ROS1: variants seen among roughly 807,000 people sequenced by gnomAD.
The protein encoded by ROS1 is ROS proto-oncogene 1, receptor tyrosine kinase, also known as proto-oncogene tyrosine-protein kinase ROS.
A neutral mutation model predicts 273.5 loss-of-function variants in ROS1; 263 were observed. The ratio of observed to expected loss-of-function variants is 0.96; its 90% CI spans 0.87 to 1.06. ROS1 has a LOEUF of 1.06. ROS1 is among the 50% of genes least tolerant of loss of function. ROS1 has a pLI of 0.00. For synonymous variants in ROS1, 1,008 were observed against 954.1 expected, an observed-to-expected ratio of 1.06 and a Z score of -1.04; for missense variants, 2,833 against 2,751.1, an observed-to-expected ratio of 1.03 and a Z score of -0.67.
chr6:117,312,773 C>T (rs888955956), intron 39 of ROS1, among the ~76,000 whole-genome samples: 1 of 152,094 alleles, frequency 6.6e-6, no homozygotes, highest in Non-Finnish European at 1.5e-5. Context: ...CTAGATGCTA[C>T]TCTGGACTAC....
intron 21 of ROS1, among the ~76,000 whole-genome samples, chr6:117,364,643 T>G (rs1780057214): frequency 1.3e-5 from 2 of 152,230 alleles, no homozygotes; most frequent in African/African-American, 4.8e-5. Flanking sequence ...AGTATCTTTT[T>G]TAAAATATCT....
chr6:117,347,170 G>A (rs770302743), intron 27 of ROS1, among the ~76,000 whole-genome samples: 13 of 152,056 alleles, frequency 8.5e-5, no homozygotes, highest in Non-Finnish European at 1.2e-4. Context: ...ATGACATCTT[G>A]ACAATATTGA....
At chr6:117,323,884 C>A (rs1032435850) in intron 35 of ROS1, among the ~76,000 whole-genome samples, 7 of 152,228 alleles carry the variant, frequency 4.6e-5, no homozygotes, top group Admixed American at 4.6e-4. Context: ...CCTACTCATT[C>A]CAAACCAGCC....
intron 36 of ROS1, 123 bp from the exon 37 acceptor site, chr6:117,320,153 T>C (rs2128559612): frequency 1.3e-5 from 11 of 823,864 alleles, no homozygotes; most frequent in Admixed American, 2.7e-5. Context: ...CAGTATTGTG[T>C]GTTTTATGTG....
chr6:117,324,207 G>A (rs2128574390), intron 35 of ROS1, 125 bp downstream of exon 35: 1 of 623,050 alleles, frequency 1.6e-6, no homozygotes. Flanking sequence ...AGGTAACAAT[G>A]TAAATTTTAT....
At chr6:117,300,113 T>G (rs1774590966) in intron 43 of ROS1, among the ~76,000 whole-genome samples, 1 of 125,816 alleles carries the variant, frequency 7.9e-6, no homozygotes, top group African/African-American at 2.9e-5. Flanking sequence ...TTTTTTTTTT[T>G]GTATTTTTTT....
At position 117,300,086 on chromosome 6, in the gene ROS1, C is replaced by CTTTTTTTTTTTTTTTTTTTTTTT. The variant is rs10700318; in HGVS notation, c.6715+865_6715+887dup. Among the ~76,000 whole-genome samples the CTTTTTTTTTTTTTTTTTTTTTTT allele has an allele frequency of 9.4e-4, 30 of 31,836 alleles. 1 individual carries two copies. Among genetic ancestry groups the CTTTTTTTTTTTTTTTTTTTTTTT allele is most frequent in the Non-Finnish European group, 1.3e-3 (24 of 18,802 alleles). The allele number at this position is 31,836 out of a possible 152,430, so 20.9% of individuals were successfully genotyped here. A position where few individuals can be genotyped will look rare whatever the true frequency, so the allele number is the denominator to read the frequency against. On this transcript the variant is annotated intron_variant, in intron 43 of 43. Coordinates refer to ENST00000368507, the MANE Select transcript of ROS1 (RefSeq NM_001378902.1). ...TACAGGCGCCCGCCACCAGGACAGG[C>CTTTTTTTTTTTTTTTTTTTTTTT]TTTTTTTTTTTTTTTTTTTTTTTTT... is the stretch of plus-strand genomic sequence containing the variant.
At chr6:117,402,222 TGCACTCTTGTTCA>T (rs1278019187) in intron 7 of ROS1, among the ~76,000 whole-genome samples, 1 of 152,198 alleles carries the variant, frequency 6.6e-6, no homozygotes, top group East Asian at 1.9e-4. Flanking sequence ...CTCTGCCTCC[TGCACTCTTGTTCA>T]GCCACGTGGG....
intron 31 of ROS1, 32 bp downstream of exon 31, chr6:117,341,103 T>A (rs768056424): frequency 7.0e-7 from 1 of 1,435,980 alleles, no homozygotes; most frequent in Non-Finnish European, 9.6e-7. Context: ...TTATTCTATA[T>A]CATAAAATAA....
Position 117,366,086 on chromosome 6 carries a change from C to T in ROS1, c.2787G>A (p.Lys929=), listed in dbSNP as rs1415791696. 1.2e-6 allele frequency: 2 copies of T among 1,613,230 alleles called. No individual in the cohort carries two copies. The highest frequency in any genetic ancestry group is 1.7e-6 in the Non-Finnish European group (2 of 1,179,242). ...NQFTIIQTSL[K]PLPGNFSFTP... is the part of the protein sequence containing the mutation. Reference sequence around the variant, plus strand: ...AATGAAATACTGTACCTGGCAGGGGCTTAAGGGATGTCTGAATAATTGTGA... The same window carrying T: ...AATGAAATACTGTACCTGGCAGGGGTTTAAGGGATGTCTGAATAATTGTGA... The change falls in exon 19 of 44, where the codon AAG becomes AAA. Residue 929 remains lysine (K), a synonymous_variant. Transcript: ENST00000368507.
chr6:117,290,567 G>T (rs1420526421), intron 43 of ROS1, among the ~76,000 whole-genome samples: 1 of 152,146 alleles, frequency 6.6e-6, no homozygotes, highest in African/African-American at 2.4e-5. Flanking sequence ...GTAAGACGGG[G>T]TATTTACAGA....
At chr6:117,316,864 C>T (rs148403577) in intron 39 of ROS1, among the ~76,000 whole-genome samples, 28 of 152,160 alleles carry the variant, frequency 1.8e-4, no homozygotes, top group Middle Eastern at 3.4e-3. Flanking sequence ...TCCAACTCCA[C>T]GCTATCCCTG....
intron 38 of ROS1, among the ~76,000 whole-genome samples, chr6:117,317,614 T>C (rs111784593): frequency 0.015 from 2,292 of 152,234 alleles, 12 homozygotes; most frequent in South Asian, 0.029. Flanking sequence ...ATGAAATATA[T>C]CCTCTCCCTT....
Position 117,342,548 on chromosome 6 carries a change from T to C in ROS1, c.4507-4A>G. 6.8e-7 allele frequency: 1 copy of C among 1,460,770 alleles called. No individual in the cohort carries two copies. The highest frequency in any genetic ancestry group is 9.2e-7 in the Non-Finnish European group (1 of 1,089,930). The allele number at this position is 1,460,770 out of a possible 1,614,324, so 90.5% of individuals were successfully genotyped here. On this transcript the variant is annotated splice_polypyrimidine_tract_variant and splice_region_variant and intron_variant, in intron 28 of 43. Coordinates refer to ENST00000368507, the MANE Select transcript of ROS1 (RefSeq NM_001378902.1). ...GAGCTATACTGTCCTGAAATTCCTGTAATTGATTTTTTAAAAATCAACATC... is the reference window on the plus strand; with the variant it reads ...GAGCTATACTGTCCTGAAATTCCTGCAATTGATTTTTTAAAAATCAACATC...
chr6:117,344,365 T>A, intron 27 of ROS1, 103 bp from the exon 28 acceptor site: 1 of 745,510 alleles, frequency 1.3e-6, no homozygotes, highest in Non-Finnish European at 2.2e-6. Context: ...AAGAAATTTG[T>A]AGAGCATACA....
At chr6:117,424,954 A>G (rs950976821) in intron 1 of ROS1, among the ~76,000 whole-genome samples, 1 of 152,206 alleles carries the variant, frequency 6.6e-6, no homozygotes. Context: ...CTGAAAAGAG[A>G]TGGTACAATA....
intron 18 of ROS1, among the ~76,000 whole-genome samples, chr6:117,372,623 CAG>C (rs1780903831): frequency 6.6e-6 from 1 of 152,062 alleles, no homozygotes; most frequent in South Asian, 2.1e-4. Context: ...AGTGAAGCTG[CAG>C]ACCTTCGTGG....
At chr6:117,379,312 T>C (rs930255429) in intron 17 of ROS1, among the ~76,000 whole-genome samples, 153 bp from the exon 18 acceptor site, 1 of 152,188 alleles carries the variant, frequency 6.6e-6, no homozygotes, top group Non-Finnish European at 1.5e-5. Context: ...ATAAAACTTA[T>C]ATGATTATGC....
intron 27 of ROS1, among the ~76,000 whole-genome samples, chr6:117,346,957 T>G (rs1030710109): frequency 1.3e-5 from 2 of 152,162 alleles, no homozygotes; most frequent in African/African-American, 4.8e-5. Flanking sequence ...GTCTACATAG[T>G]TTTTTACTTT....
Sources: gnomAD v4.1 joint callset for allele counts (sites outside exome capture counted in the v4.1 genomes callset) on GRCh38, gnomAD v4.1.1 for gene constraint, MANE v1.5 for transcripts, NCBI Gene and HGNC (gene_info 2026-07-23, HGNC 2026-07-21) for gene names.